GREB1L: variants seen among roughly 807,000 people sequenced by gnomAD.
GREB1L encodes GREB1-like protein.
Under a neutral mutation model 200.8 loss-of-function variants are expected in GREB1L, and 17 were observed. The observed-to-expected ratio is 0.08, with a 90% confidence interval of 0.06 to 0.13. The LOEUF (loss-of-function observed/expected upper bound fraction) is 0.13, where lower values mean the gene tolerates loss of function less well. Among genes scored for constraint, GREB1L ranks in the 10% least tolerant of loss-of-function variants. The pLI is 1.00. For synonymous variants in GREB1L, 789 were observed against 893.0 expected, an observed-to-expected ratio of 0.88 and a Z score of 2.08; for missense variants, 1,657 against 2,367.7, an observed-to-expected ratio of 0.70 and a Z score of 6.23.
intron 1 of GREB1L, among the ~76,000 whole-genome samples, chr18:21,303,432 T>C (rs1288748973): frequency 6.6e-6 from 1 of 152,178 alleles, no homozygotes; most frequent in East Asian, 1.9e-4. Flanking sequence ...GAAATAAATG[T>C]TTGGGAGAAC....
chr18:21,284,691 C>G (rs2038325743), intron 1 of GREB1L, among the ~76,000 whole-genome samples: 2 of 152,118 alleles, frequency 1.3e-5, no homozygotes, highest in African/African-American at 2.4e-5. Flanking sequence ...GGACACGTAC[C>G]TAGTCCTGGA....
chr18:21,309,868 A>G (rs1158803673), intron 1 of GREB1L, among the ~76,000 whole-genome samples: 1 of 152,066 alleles, frequency 6.6e-6, no homozygotes, highest in Non-Finnish European at 1.5e-5. Context: ...GGATACTGCT[A>G]AAAACATCCT....
chr18:21,252,231 C>A (rs1203070577), intron 1 of GREB1L, among the ~76,000 whole-genome samples: 2 of 152,110 alleles, frequency 1.3e-5, no homozygotes, highest in Admixed American at 6.6e-5. Context: ...TTTATTTGTT[C>A]TTTGAAAAAT....
chr18:21,416,436 C>T (rs979606533), intron 7 of GREB1L, among the ~76,000 whole-genome samples: 3 of 152,058 alleles, frequency 2.0e-5, no homozygotes, highest in African/African-American at 4.8e-5. Flanking sequence ...ATTCAGTGAA[C>T]CCCAAGCATA....
At chr18:21,374,367 C>T (rs2039990598) in intron 2 of GREB1L, among the ~76,000 whole-genome samples, 2 of 152,154 alleles carry the variant, frequency 1.3e-5, no homozygotes, top group African/African-American at 2.4e-5. Flanking sequence ...GGAGTATTCC[C>T]TGCCCCAGAC....
chr18:21,501,843 A>G (rs1171056291), intron 23 of GREB1L, among the ~76,000 whole-genome samples: 1 of 152,214 alleles, frequency 6.6e-6, no homozygotes, highest in Non-Finnish European at 1.5e-5. Flanking sequence ...ATCGGCACTG[A>G]GACACAAGGG....
intron 7 of GREB1L, among the ~76,000 whole-genome samples, chr18:21,431,081 G>A (rs1225355983): frequency 6.6e-6 from 1 of 150,978 alleles, no homozygotes; most frequent in Non-Finnish European, 1.5e-5. Flanking sequence ...GAGTGCAGTG[G>A]CACCATCTCG....
chr18:21,443,168 G>A (rs981642497), intron 10 of GREB1L, among the ~76,000 whole-genome samples: 4 of 151,944 alleles, frequency 2.6e-5, no homozygotes, highest in African/African-American at 9.7e-5. Flanking sequence ...CTCCCAAAGT[G>A]CTGGGATTAT....
chr18:21,443,833 G>A (rs573034965), intron 10 of GREB1L, among the ~76,000 whole-genome samples: 1 of 152,262 alleles, frequency 6.6e-6, no homozygotes, highest in Admixed American at 6.5e-5. Context: ...CCTCTCCATT[G>A]CTTGTAATAC....
chr18:21,362,176 A>G (rs1004281877), intron 1 of GREB1L, among the ~76,000 whole-genome samples: 2 of 152,176 alleles, frequency 1.3e-5, no homozygotes, highest in African/African-American at 4.8e-5. Flanking sequence ...ATGAAATATT[A>G]TACTGTTATT....
At chr18:21,243,832 A>AT (rs1274452187) in intron 1 of GREB1L, among the ~76,000 whole-genome samples, 13 of 79,638 alleles carry the variant, frequency 1.6e-4, no homozygotes, top group African/African-American at 9.9e-4. Context: ...TTAATGAATG[A>AT]ATATATAAGT....
At chr18:21,279,740 G>A (rs574498280) in intron 1 of GREB1L, among the ~76,000 whole-genome samples, 1 of 152,180 alleles carries the variant, frequency 6.6e-6, no homozygotes, top group African/African-American at 2.4e-5. Context: ...CAAACTCCTG[G>A]GCTCAAGCAA....
At position 21,473,087 on chromosome 18, in the gene GREB1L, A is replaced by G. The variant is rs2035546155; in HGVS notation, c.2239A>G (p.Lys747Glu). ...ENGTAHQRAE[K>E]YVVRLDNEIQ... ...TGGGACAGCCCATCAGAGAGCAGAA[A>G]AATATGTTGTTCGTCTAGACAATGA... is the stretch of plus-strand genomic sequence containing the variant. Residue 747 changes from lysine to glutamate, a missense_variant, in exon 16 of 33, where the codon AAA becomes GAA. Lys to Glu is a moderately conservative substitution (Grantham distance 56). Around this residue, in one of 9 missense-constraint regions of GREB1L, gnomAD observed 239 missense variants for 421.8 expected, o/e 0.57. Coordinates refer to ENST00000424526, the MANE Select transcript of GREB1L (RefSeq NM_001142966.3). 6.4e-7 allele frequency: 1 copy of G among 1,550,830 alleles called. No homozygotes were observed. Among genetic ancestry groups the G allele is most frequent in the East Asian group, 2.4e-5 (1 of 40,870 alleles).
rs925179760 is a variant in GREB1L, at chr18:21,500,649, G to A, written c.4072+7G>A. On this transcript the variant is annotated splice_region_variant and intron_variant, in intron 23 of 32. Transcript: ENST00000424526. ...GAGGAGGAGATCAACACCGGTGAGT[G>A]CTGAGCCCAGGGAGTGGGCAGAGGG... is the stretch of plus-strand genomic sequence containing the variant. 3 of 1,529,798 alleles carry A rather than the reference G, an allele frequency of 2.0e-6. No homozygotes were observed. In the African/African-American group the frequency reaches 4.2e-5, roughly 21 times the overall value. The allele number at this position is 1,529,798 out of a possible 1,614,324, so 94.8% of individuals were successfully genotyped here. A position where few individuals can be genotyped will look rare whatever the true frequency, so the allele number is the denominator to read the frequency against.
intron 2 of GREB1L, among the ~76,000 whole-genome samples, chr18:21,381,818 G>T (rs941697367): frequency 1.3e-5 from 2 of 152,164 alleles, no homozygotes; most frequent in Non-Finnish European, 2.9e-5. Flanking sequence ...AGAGACCAAG[G>T]TTTCTAAAAA....
chr18:21,497,311 A>AT (rs2036583550), intron 21 of GREB1L, among the ~76,000 whole-genome samples: 1 of 152,094 alleles, frequency 6.6e-6, no homozygotes, highest in African/African-American at 2.4e-5. Context: ...CACTCTTTCC[A>AT]TTTTTTCTGA....
intron 4 of GREB1L, among the ~76,000 whole-genome samples, chr18:21,386,013 A>C (rs990557201): frequency 3.9e-5 from 6 of 152,186 alleles, no homozygotes; most frequent in Non-Finnish European, 5.9e-5. Flanking sequence ...AGAGATAGCC[A>C]GTATTTCTTA....
At chr18:21,384,160 TA>T in intron 3 of GREB1L, 45 bp from the exon 4 acceptor site, 1 of 1,268,154 alleles carries the variant, frequency 7.9e-7, no homozygotes, top group Non-Finnish European at 1.1e-6. Context: ...CATTTTTCCA[TA>T]AGCATCTTTT....
At position 21,444,152 on chromosome 18, in the gene GREB1L, G is replaced by A. The variant is rs868266180; in HGVS notation, c.1208-72G>A. The A allele has an allele frequency of 2.3e-5, 25 of 1,081,280 alleles. No individual in the cohort carries two copies. The East Asian group carries it at 3.8e-4, about 16-fold the overall frequency. The allele number at this position is 1,081,280 out of a possible 1,614,324, so 67.0% of individuals were successfully genotyped here. A position where few individuals can be genotyped will look rare whatever the true frequency, so the allele number is the denominator to read the frequency against. On this transcript the variant is annotated intron_variant, in intron 10 of 32. Coordinates refer to ENST00000424526, the MANE Select transcript of GREB1L (RefSeq NM_001142966.3). ...ATTTTGTTAAGCAGCTTTGATCGTCGTTGAGCAAGTGTACCTGGTTGGACC... is the reference window on the plus strand; with the variant it reads ...ATTTTGTTAAGCAGCTTTGATCGTCATTGAGCAAGTGTACCTGGTTGGACC...
Sources: gnomAD v4.1 joint callset for allele counts (sites outside exome capture counted in the v4.1 genomes callset) on GRCh38, gnomAD v4.1.1 for gene constraint, gnomAD v4.1.1 regional missense constraint, MANE v1.5 for transcripts, NCBI Gene and HGNC (gene_info 2026-07-23, HGNC 2026-07-21) for gene names.